Variants in IFIH1 observed in about 807,000 individuals in gnomAD.
IFIH1 encodes interferon induced with helicase C domain 1.
Under a neutral mutation model 107.4 loss-of-function variants are expected in IFIH1, and 125 were observed. That is an observed-to-expected ratio of 1.16 (90% CI 1.01 to 1.35). IFIH1 has a LOEUF of 1.35. IFIH1 is among the 40% of genes most tolerant of loss of function. The pLI is 0.00. For missense variants in IFIH1, 1,333 were observed against 1,213.7 expected, an observed-to-expected ratio of 1.10 and a Z score of -1.46; for synonymous variants, 458 against 413.2, an observed-to-expected ratio of 1.11 and a Z score of -1.31.
chr2:162,284,351 C>A (rs1427292782), intron 5 of IFIH1, among the ~76,000 whole-genome samples: 1 of 151,972 alleles, frequency 6.6e-6, no homozygotes, highest in African/African-American at 2.4e-5. Context: ...CCACTTACTT[C>A]TTTGTACCTT....
chr2:162,309,349 G>A (rs1476258966), intron 2 of IFIH1, among the ~76,000 whole-genome samples: 1 of 152,146 alleles, frequency 6.6e-6, no homozygotes, highest in East Asian at 1.9e-4. Flanking sequence ...AGACAGTTTT[G>A]CCCTTTGAAA....
chr2:162,278,210 T>C lies in IFIH1; in HGVS notation c.1760A>G (p.Lys587Arg). 6.2e-7 allele frequency: 1 copy of C among 1,603,396 alleles called. No homozygotes were observed. Reference sequence around the variant, plus strand: ...TAGGTCCAAACCTAAATTACCTTTTTTTTCCATTTGAATGGCCCATTGTTC... The same window carrying C: ...TAGGTCCAAACCTAAATTACCTTTTCTTTCCATTTGAATGGCCCATTGTTC... ...PYEQWAIQME[K>R]KAAKEGNRKE... is the part of the protein sequence containing the mutation. The change falls in exon 9 of 16, where the codon AAA becomes AGA. Residue 587 changes from lysine to arginine, a missense_variant. By Grantham distance (26) the Lys-to-Arg change is conservative. Transcript: ENST00000649979.
rs766879801 is a variant in IFIH1 at position 162,267,310 on chromosome 2, C to T, written c.2968G>A (p.Val990Ile). The change falls in exon 16 of 16, where the codon GTT becomes ATT. Residue 990 changes from valine (V) to isoleucine (I), a missense_variant. By Grantham distance (29) the Val-to-Ile change is conservative. Transcript: ENST00000649979. The stretch of plus-strand genomic sequence containing the variant: ...TTCTTTGTTGAATTATTTTTGAAAA[C>T]CACTACAAAATTCCTTATTTTGAGA... Reference protein sequence around the residue: ...PCLKIRNFVVVFKNNSTKKQY... With the variant: ...PCLKIRNFVVIFKNNSTKKQY... 1.2e-6 allele frequency: 2 copies of T among 1,612,274 alleles called. No individual in the cohort carries two copies. Among genetic ancestry groups the T allele is most frequent in the South Asian group, 1.1e-5 (1 of 90,344 alleles).
intron 7 of IFIH1, among the ~76,000 whole-genome samples, chr2:162,280,947 C>T (rs541504712): frequency 1.3e-5 from 2 of 152,116 alleles, no homozygotes; most frequent in East Asian, 1.9e-4. Context: ...AGAAAATACG[C>T]AGTTTTGAAA....
chr2:162,275,930 C>A (rs1691144210), intron 11 of IFIH1, among the ~76,000 whole-genome samples: 1 of 152,110 alleles, frequency 6.6e-6, no homozygotes, highest in Admixed American at 6.6e-5. Context: ...ATATCAAATT[C>A]TTTAGTTTTT....
chr2:162,281,473 T>A lies in IFIH1; in HGVS notation c.1379A>T (p.His460Leu), dbSNP rs10930046. The stretch of plus-strand genomic sequence containing the variant: ...GTTTTTCAACTTCTGCATCAAATAA[T>A]GCCTCATGATGTTATTATACACTGC... Reference protein sequence around the residue: ...KEAVYNNIMRHYLMQKLKNNR... With the variant: ...KEAVYNNIMRLYLMQKLKNNR... The change falls in exon 7 of 16, where the codon CAT (histidine) becomes CTT (leucine). Residue 460 changes from histidine (H) to leucine (L), a missense_variant. His to Leu is a moderately conservative substitution (Grantham distance 99). Transcript: ENST00000649979. The A allele has an allele frequency of 2.5e-6, 4 of 1,611,952 alleles. No individual in the cohort carries two copies. In the African/African-American group the frequency reaches 4.0e-5, roughly 16 times the overall value.
intron 3 of IFIH1, among the ~76,000 whole-genome samples, chr2:162,305,386 A>G (rs1576236803): frequency 6.6e-6 from 1 of 152,284 alleles, no homozygotes. Flanking sequence ...CCTGGCCAAC[A>G]TGGTGAAACC....
intron 4 of IFIH1, 108 bp downstream of exon 4, chr2:162,293,456 G>T (rs545250826): frequency 3.1e-6 from 2 of 639,388 alleles, no homozygotes; most frequent in Admixed American, 3.0e-5. Context: ...GAAAAGAATT[G>T]CTTTAATTGC....
rs147000317 is a variant in IFIH1 at position 162,281,371 on chromosome 2, C to A, written c.1481G>T (p.Gly494Val). The change falls in exon 7 of 16, where the codon GGA (glycine) becomes GTA (valine). Residue 494 changes from glycine to valine, a missense_variant. By Grantham distance (109) the Gly-to-Val change is moderately radical (BLOSUM62 -3). Coordinates refer to ENST00000649979, the MANE Select transcript of IFIH1 (RefSeq NM_022168.4). The part of the protein sequence containing the change: ...ILGLTASPGV[G>V]GATKQAKAEE... Reference sequence around the variant, plus strand: ...AGCTTTGGCTTGCTTCGTGGCCCCTCCAACACCAGGTGAAGCTGTTAGTCC... The same window carrying A: ...AGCTTTGGCTTGCTTCGTGGCCCCTACAACACCAGGTGAAGCTGTTAGTCC... The A allele has an allele frequency of 3.9e-4, 621 of 1,612,706 alleles. 2 individuals are homozygous for A. The African/African-American group carries it at 7.4e-3, about 19-fold the overall frequency.
At chr2:162,276,235 A>C (rs1306512129) in intron 11 of IFIH1, among the ~76,000 whole-genome samples, 1 of 152,182 alleles carries the variant, frequency 6.6e-6, no homozygotes, top group Non-Finnish European at 1.5e-5. Flanking sequence ...TATCCTGTAA[A>C]TGTATTCATG....
chr2:162,296,867 A>C (rs1397749267), intron 3 of IFIH1, among the ~76,000 whole-genome samples: 1 of 152,106 alleles, frequency 6.6e-6, no homozygotes, highest in East Asian at 1.9e-4. Context: ...CATAAAATTA[A>C]TTGCAGTAAT....
At chr2:162,285,275 T>C (rs1380700812) in intron 5 of IFIH1, among the ~76,000 whole-genome samples, 2 of 151,836 alleles carry the variant, frequency 1.3e-5, no homozygotes, top group Non-Finnish European at 2.9e-5. Flanking sequence ...GGAACACAGG[T>C]GGTGTTTTCA....
intron 3 of IFIH1, among the ~76,000 whole-genome samples, chr2:162,297,145 C>T (rs1249810670): frequency 6.6e-6 from 1 of 152,108 alleles, no homozygotes; most frequent in Non-Finnish European, 1.5e-5. Context: ...AACCGTATTA[C>T]ACACAAACAC....
At chr2:162,315,647 A>T (rs1378870913) in intron 1 of IFIH1, among the ~76,000 whole-genome samples, 1 of 152,202 alleles carries the variant, frequency 6.6e-6, no homozygotes, top group Non-Finnish European at 1.5e-5. Context: ...GAACTTCAGT[A>T]ATTTGGCCCA....
chr2:162,302,672 G>A (rs1157522392), intron 3 of IFIH1, among the ~76,000 whole-genome samples: 1 of 152,110 alleles, frequency 6.6e-6, no homozygotes, highest in Non-Finnish European at 1.5e-5. Context: ...TAATTTCTCT[G>A]GACTAATGGT....
rs535192485 is a variant in IFIH1, at chr2:162,281,336, T to C, written c.1516A>G (p.Ile506Val). 50 of 1,611,416 alleles carry C rather than the reference T, an allele frequency of 3.1e-5. No homozygotes were observed. The East Asian group carries it at 9.1e-4, about 29-fold the overall frequency. ...ATKQAKAEEH[I>V]LKLCANLDAF... ...ATAAAATTATGACTTACTTTTAAAA[T>C]GTGTTCTTCAGCTTTGGCTTGCTTC... The change falls in exon 7 of 16, where the codon ATT becomes GTT. Residue 506 changes from isoleucine (I) to valine (V), a missense_variant. By Grantham distance (29) the Ile-to-Val change is conservative. Transcript: ENST00000649979.
rs763049591 is a variant in IFIH1 at position 162,268,160 on chromosome 2, C to G, written c.2734G>C (p.Val912Leu). Residue 912 changes from valine to leucine, a missense_variant, in exon 14 of 16, where the codon GTG becomes CTG. Physicochemically the swap from Val to Leu is conservative, Grantham distance 32. Coordinates refer to ENST00000649979, the MANE Select transcript of IFIH1 (RefSeq NM_022168.4). Reference sequence around the variant, plus strand: ...ATATCTTCCCCAGAACAGGCTAGCACACTGCAGTTTTTGCAAAGGAAAGTT... The same window carrying G: ...ATATCTTCCCCAGAACAGGCTAGCAGACTGCAGTTTTTGCAAAGGAAAGTT... ...LITFLCKNCSVLACSGEDIHV... is the reference protein window; with the variant it reads ...LITFLCKNCSLLACSGEDIHV... 2.5e-6 allele frequency: 4 copies of G among 1,613,864 alleles called. No homozygotes were observed. Among genetic ancestry groups the G allele is most frequent in the Non-Finnish European group, 3.4e-6 (4 of 1,179,802 alleles).
intron 4 of IFIH1, among the ~76,000 whole-genome samples, chr2:162,293,339 C>T (rs1439871514): frequency 6.6e-6 from 1 of 151,766 alleles, no homozygotes; most frequent in Admixed American, 6.6e-5. Flanking sequence ...ATATGCCAGA[C>T]CAGAAAGATA....
At chr2:162,283,934 C>A (rs1415196050) in intron 5 of IFIH1, among the ~76,000 whole-genome samples, 1 of 150,436 alleles carries the variant, frequency 6.6e-6, no homozygotes, top group Non-Finnish European at 1.5e-5. Context: ...TACCTTACCA[C>A]AAGGTGGAAA....
Sources: gnomAD v4.1 joint callset for allele counts (sites outside exome capture counted in the v4.1 genomes callset) on GRCh38, gnomAD v4.1.1 for gene constraint, MANE v1.5 for transcripts, NCBI Gene and HGNC (gene_info 2026-07-23, HGNC 2026-07-21) for gene names.